PTPRD: variants seen among roughly 807,000 people sequenced by gnomAD.
PTPRD encodes protein tyrosine phosphatase receptor type D, also known as receptor-type tyrosine-protein phosphatase delta.
PTPRD carries 34 observed loss-of-function variants against 214.5 expected under a neutral mutation model. The ratio of observed to expected loss-of-function variants is 0.16; its 90% CI spans 0.12 to 0.21. PTPRD has a LOEUF of 0.21. Ranked by LOEUF, PTPRD falls within the 10% of genes least tolerant of loss-of-function variation. PTPRD has a pLI of 1.00. For missense variants in PTPRD, 2,545 were observed against 2,398.7 expected (o/e 1.06, Z -1.27); for synonymous variants, 1,128 against 845.7 (o/e 1.33, Z -5.79).
At chr9:10,081,771 G>A (rs1314074843) in intron 3 of PTPRD, among the ~76,000 whole-genome samples, 2 of 152,014 alleles carry the variant, frequency 1.3e-5, no homozygotes, top group Non-Finnish European at 1.5e-5. Flanking sequence ...TTTTGGTGTT[G>A]CAAATAGATG....
intron 7 of PTPRD, among the ~76,000 whole-genome samples, chr9:9,694,361 T>G (rs551299309): frequency 6.6e-6 from 1 of 152,100 alleles, no homozygotes; most frequent in African/African-American, 2.4e-5. Context: ...TTCTCTACAT[T>G]GCTAGGCAGA....
intron 3 of PTPRD, among the ~76,000 whole-genome samples, chr9:10,290,482 G>A (rs2095495962): frequency 6.6e-6 from 1 of 152,136 alleles, no homozygotes; most frequent in African/African-American, 2.4e-5. Flanking sequence ...TTGTATCACA[G>A]TGCAGCTTAA....
intron 3 of PTPRD, among the ~76,000 whole-genome samples, chr9:10,206,053 G>C (rs2099474350): frequency 6.7e-6 from 1 of 148,690 alleles, no homozygotes; most frequent in African/African-American, 2.5e-5. Context: ...AAAAGTATTA[G>C]AAACTCAGAG....
chr9:9,655,797 G>A (rs2096496509), intron 7 of PTPRD, among the ~76,000 whole-genome samples: 1 of 151,740 alleles, frequency 6.6e-6, no homozygotes, highest in Non-Finnish European at 1.5e-5. Context: ...GGCCAGTATG[G>A]TGAAACCCCA....
intron 10 of PTPRD, among the ~76,000 whole-genome samples, chr9:9,131,229 T>C (rs2099842092): frequency 6.6e-6 from 1 of 152,218 alleles, no homozygotes; most frequent in African/African-American, 2.4e-5. Flanking sequence ...TTGATGCAAA[T>C]TAAGTCTGAT....
chr9:9,336,704 T>C (rs189825378), intron 9 of PTPRD, among the ~76,000 whole-genome samples: 163 of 152,326 alleles, frequency 1.1e-3, no homozygotes, highest in African/African-American at 3.7e-3. Flanking sequence ...AGATATATTA[T>C]ATAACTGCTT....
At chr9:8,806,484 CT>C (rs1483002713) in intron 11 of PTPRD, among the ~76,000 whole-genome samples, 1 of 152,074 alleles carries the variant, frequency 6.6e-6, no homozygotes, top group Non-Finnish European at 1.5e-5. Flanking sequence ...TAAATAATAC[CT>C]GCTACACTCA....
chr9:10,353,350 C>A (rs916806960), intron 2 of PTPRD, among the ~76,000 whole-genome samples: 3 of 151,952 alleles, frequency 2.0e-5, no homozygotes, highest in African/African-American at 7.2e-5. Flanking sequence ...TAATGCTTTT[C>A]CTTTTCCTGG....
At chr9:9,254,968 T>C (rs114223348) in intron 9 of PTPRD, among the ~76,000 whole-genome samples, 1,937 of 152,224 alleles carry the variant, frequency 0.013, 42 homozygotes, top group African/African-American at 0.045. Context: ...AAACAGGTTG[T>C]AAAATTCTGA....
intron 8 of PTPRD, among the ~76,000 whole-genome samples, chr9:9,486,185 A>AAG (rs2095628114): frequency 7.3e-6 from 1 of 136,172 alleles, no homozygotes; most frequent in Non-Finnish European, 1.6e-5. Context: ...AAAAAAAAAA[A>AAG]GCCTTCCCTT....
chr9:8,995,780 A>T (rs2099394274), intron 11 of PTPRD, among the ~76,000 whole-genome samples: 1 of 151,582 alleles, frequency 6.6e-6, no homozygotes, highest in South Asian at 2.1e-4. Flanking sequence ...TTTAGGATAC[A>T]CAATACTAGT....
chr9:8,930,403 A>G (rs1431882863), intron 11 of PTPRD, among the ~76,000 whole-genome samples: 1 of 152,150 alleles, frequency 6.6e-6, no homozygotes, highest in Non-Finnish European at 1.5e-5. Flanking sequence ...GCTATTGTGA[A>G]TAGTGCCACA....
intron 11 of PTPRD, among the ~76,000 whole-genome samples, chr9:8,913,760 C>T (rs1466178842): frequency 6.6e-6 from 1 of 152,008 alleles, no homozygotes; most frequent in Non-Finnish European, 1.5e-5. Context: ...CAATATTCTG[C>T]AAATAAACGT....
At chr9:8,427,093 C>G (rs1228376970) in intron 35 of PTPRD, among the ~76,000 whole-genome samples, 1 of 152,152 alleles carries the variant, frequency 6.6e-6, no homozygotes, top group East Asian at 1.9e-4. Context: ...TGGTCCTTAA[C>G]TGCAGAACAA....
intron 9 of PTPRD, among the ~76,000 whole-genome samples, chr9:9,380,616 T>C (rs1053721157): frequency 1.3e-5 from 2 of 152,150 alleles, no homozygotes; most frequent in African/African-American, 4.8e-5. Context: ...TGGTCTATCT[T>C]AGTAAATGTT....
At chr9:9,198,811 G>A (rs1208933695) in intron 9 of PTPRD, among the ~76,000 whole-genome samples, 1 of 152,100 alleles carries the variant, frequency 6.6e-6, no homozygotes, top group Non-Finnish European at 1.5e-5. Context: ...ATAGATGACT[G>A]CATATAGTAT....
intron 2 of PTPRD, among the ~76,000 whole-genome samples, chr9:10,409,887 C>T (rs1466089334): frequency 6.6e-6 from 1 of 151,644 alleles, no homozygotes; most frequent in Non-Finnish European, 1.5e-5. Flanking sequence ...ATTTTCCAGC[C>T]CCATTCAAGC....
chr9:8,760,143 C>T (rs1565856190), intron 11 of PTPRD, among the ~76,000 whole-genome samples: 1 of 152,204 alleles, frequency 6.6e-6, no homozygotes, highest in Non-Finnish European at 1.5e-5. Context: ...ATTGGCCAGG[C>T]TGTTCTCAAA....
At chr9:9,537,256 G>GA (rs919011152) in intron 8 of PTPRD, among the ~76,000 whole-genome samples, 11 of 151,682 alleles carry the variant, frequency 7.3e-5, no homozygotes, top group South Asian at 2.1e-4. Context: ...TATTTTTATA[G>GA]AAAAAAACGA....
Sources: allele counts gnomAD v4.1 joint callset (sites outside exome capture counted in the v4.1 genomes callset), GRCh38; gene constraint gnomAD v4.1.1; transcripts MANE v1.5; gene names NCBI Gene and HGNC (gene_info 2026-07-23, HGNC 2026-07-21).